The following DNAH14 variants were observed in gnomAD, a reference collection of about 807,000 sequenced individuals.
DNAH14 encodes the protein axonemal beta dynein heavy chain 14.
DNAH14 carries 478 observed loss-of-function variants against 520.9 expected under a neutral mutation model. The ratio of observed to expected loss-of-function variants is 0.92; its 90% CI spans 0.85 to 0.99. The LOEUF is 0.99. Among genes scored for constraint, DNAH14 ranks in the 50% least tolerant of loss-of-function variants. The pLI, the probability that DNAH14 is intolerant of heterozygous loss-of-function variation, is 0.00. For synonymous variants in DNAH14, 1,581 were observed against 1,757.2 expected (o/e 0.90, Z 2.51); for missense variants, 4,831 against 5,234.5 (o/e 0.92, Z 2.38).
chr1:225,301,077 G>T, intron 56 of DNAH14, 47 bp downstream of exon 56: 1 of 1,498,288 alleles, frequency 6.7e-7, no homozygotes, highest in South Asian at 1.3e-5. Flanking sequence ...GTTAAAAGTA[G>T]ACCGTGTTTA....
intron 41 of DNAH14, among the ~76,000 whole-genome samples, chr1:225,220,724 T>C (rs986319889): frequency 6.6e-6 from 1 of 152,220 alleles, no homozygotes; most frequent in Admixed American, 6.5e-5. Context: ...ATGGCCATAC[T>C]GCCCAAAATA....
chr1:224,948,980 A>C (rs1008374450), intron 1 of DNAH14, among the ~76,000 whole-genome samples: 4 of 151,780 alleles, frequency 2.6e-5, no homozygotes, highest in African/African-American at 9.7e-5. Flanking sequence ...TTTGCTCATA[A>C]TTTTTTCTTT....
At chr1:225,084,976 G>A (rs1185678192) in intron 20 of DNAH14, among the ~76,000 whole-genome samples, 1 of 151,866 alleles carries the variant, frequency 6.6e-6, no homozygotes, top group Non-Finnish European at 1.5e-5. Context: ...GTTGCTTAAG[G>A]CCATAAGAAG....
chr1:225,015,423 G>A (rs79661750), intron 10 of DNAH14, among the ~76,000 whole-genome samples: 8,785 of 152,216 alleles, frequency 0.058, 350 homozygotes, highest in Non-Finnish European at 0.078. Flanking sequence ...TAGTGATAAG[G>A]TTTGATTGAT....
intron 65 of DNAH14, among the ~76,000 whole-genome samples, chr1:225,331,812 C>A (rs2094804535): frequency 6.6e-6 from 1 of 152,172 alleles, no homozygotes; most frequent in South Asian, 2.1e-4. Context: ...CTGAAGACAT[C>A]AGCACGCTTT....
At position 225,252,285 on chromosome 1, in the gene DNAH14, T is replaced by C; in HGVS notation, c.6749-16T>C. Reference sequence around the variant, plus strand: ...TGAACCCCTTTCTTAGTTGAATTTATTATTTTCGGTTGTAGGCATCAACCT... The same window carrying C: ...TGAACCCCTTTCTTAGTTGAATTTACTATTTTCGGTTGTAGGCATCAACCT... On this transcript the variant is annotated splice_polypyrimidine_tract_variant and intron_variant, in intron 43 of 85. Coordinates refer to ENST00000682510, the MANE Select transcript of DNAH14 (RefSeq NM_001367479.1). The C allele has an allele frequency of 7.2e-7, 1 of 1,391,576 alleles. No individual in the cohort carries two copies. The highest frequency in any genetic ancestry group is 1.4e-5 in the African/African-American group (1 of 69,992). 86.2% of individuals were successfully genotyped at this position (1,391,576 alleles called of 1,614,324 possible).
chr1:224,933,092 T>C (rs1318250700), intron 1 of DNAH14, among the ~76,000 whole-genome samples: 1 of 152,152 alleles, frequency 6.6e-6, no homozygotes, highest in African/African-American at 2.4e-5. Context: ...GTTTGTGTTG[T>C]ATTCAATTTC....
At chr1:224,939,288 A>T (rs1250084741) in intron 1 of DNAH14, among the ~76,000 whole-genome samples, 1 of 152,190 alleles carries the variant, frequency 6.6e-6, no homozygotes, top group Non-Finnish European at 1.5e-5. Flanking sequence ...TTCACAGAGT[A>T]AGTAGAACCC....
intron 8 of DNAH14, among the ~76,000 whole-genome samples, chr1:224,974,475 C>T (rs969725599): frequency 6.6e-6 from 1 of 152,142 alleles, no homozygotes; most frequent in Non-Finnish European, 1.5e-5. Flanking sequence ...GGATCTCCAT[C>T]AGCCAAATGT....
chr1:225,254,901 C>T lies in DNAH14; in HGVS notation c.6865+2484C>T, dbSNP rs553133028. Among the ~76,000 whole-genome samples, 5 of 152,212 alleles carry T rather than the reference C, an allele frequency of 3.3e-5. No individual in the cohort carries two copies. In the South Asian group the frequency reaches 1.0e-3, roughly 32 times the overall value. The stretch of plus-strand genomic sequence containing the variant: ...ATTGTTTCAACTCACGTCATGGTAG[C>T]GACTACTGAGTATAAGAAAACAAAG... On this transcript the variant is annotated intron_variant, in intron 44 of 85. Coordinates refer to ENST00000682510, the MANE Select transcript of DNAH14 (RefSeq NM_001367479.1).
At chr1:225,357,891 A>G (rs1410095819) in intron 73 of DNAH14, 1 of 699,056 alleles carries the variant, frequency 1.4e-6, no homozygotes. Context: ...TGTATAAAAC[A>G]GTTTTTATGG....
intron 13 of DNAH14, 52 bp downstream of exon 13, chr1:225,043,166 A>T: frequency 6.8e-7 from 1 of 1,480,076 alleles, no homozygotes. Context: ...GTGGTGGCTC[A>T]TGCCTGCAAT....
chr1:225,246,276 C>T (rs896190152), intron 43 of DNAH14, among the ~76,000 whole-genome samples: 1 of 152,132 alleles, frequency 6.6e-6, no homozygotes, highest in African/African-American at 2.4e-5. Flanking sequence ...CATAAAAACC[C>T]TAGAAGAAAA....
intron 38 of DNAH14, among the ~76,000 whole-genome samples, chr1:225,198,794 A>G (rs1400418291): frequency 6.6e-6 from 1 of 151,978 alleles, no homozygotes; most frequent in Non-Finnish European, 1.5e-5. Flanking sequence ...ATTGGTCTGT[A>G]GTTTTCTTTT....
At chr1:225,332,815 A>G (rs1186487007) in intron 65 of DNAH14, among the ~76,000 whole-genome samples, 1 of 147,136 alleles carries the variant, frequency 6.8e-6, no homozygotes, top group Non-Finnish European at 1.5e-5. Context: ...GCAATGTAGC[A>G]AGATCCTGTC....
At chr1:225,236,118 A>C (rs685033) in intron 42 of DNAH14, among the ~76,000 whole-genome samples, 1 of 151,664 alleles carries the variant, frequency 6.6e-6, no homozygotes, top group South Asian at 2.1e-4. Context: ...TTTAGTTGTG[A>C]TGGTAGTGTG....
chr1:225,210,804 G>A (rs933355204), intron 41 of DNAH14, among the ~76,000 whole-genome samples: 1 of 152,174 alleles, frequency 6.6e-6, no homozygotes, highest in Non-Finnish European at 1.5e-5. Context: ...ACAGAGGAAG[G>A]AGCAGGCAGC....
intron 43 of DNAH14, among the ~76,000 whole-genome samples, chr1:225,243,013 C>G (rs946831494): frequency 3.3e-5 from 5 of 152,158 alleles, no homozygotes; most frequent in Non-Finnish European, 7.4e-5. Context: ...ATCTGGATGG[C>G]AAAGATTCTA....
chr1:225,177,551 A>T (rs2083463846), intron 36 of DNAH14, among the ~76,000 whole-genome samples: 1 of 152,144 alleles, frequency 6.6e-6, no homozygotes, highest in Non-Finnish European at 1.5e-5. Flanking sequence ...CTAGGAAGAA[A>T]AAATGGTTTC....
Sources: gnomAD v4.1 joint callset for allele counts (sites outside exome capture counted in the v4.1 genomes callset) on GRCh38, gnomAD v4.1.1 for gene constraint, MANE v1.5 for transcripts, NCBI Gene and HGNC (gene_info 2026-07-23, HGNC 2026-07-21) for gene names.